The following CRYAB variants were observed in gnomAD, a reference collection of about 807,000 sequenced individuals.
The protein encoded by CRYAB is alpha-crystallin B chain.
Under a neutral mutation model 12.7 loss-of-function variants are expected in CRYAB, and 9 were observed. The observed-to-expected ratio is 0.71, with a 90% CI of 0.43 to 1.24. The LOEUF (loss-of-function observed/expected upper bound fraction) is 1.24, where lower values mean the gene tolerates loss of function less well. CRYAB is among the 50% of genes most tolerant of loss of function. The pLI is 0.00. For missense variants in CRYAB, 183 were observed against 226.6 expected, an observed-to-expected ratio of 0.81 and a Z score of 1.24; for synonymous variants, 93 against 86.8, an observed-to-expected ratio of 1.07 and a Z score of -0.40.
At chr11:111,910,663 T>G (rs1328093714) in intron 1 of CRYAB, 1 of 630,104 alleles carries the variant, frequency 1.6e-6, no homozygotes, top group East Asian at 2.8e-5. Context: ...GACCCAAACT[T>G]TATTTACAGG....
chr11:111,920,503 A>C (rs1965675028), intron 1 of CRYAB, among the ~76,000 whole-genome samples: 2 of 152,146 alleles, frequency 1.3e-5, no homozygotes, highest in South Asian at 4.1e-4. Flanking sequence ...GCGCCACTGC[A>C]GTCCAGACTG....
chr11:111,922,929 TA>T (rs1281337368), intron 1 of CRYAB, among the ~76,000 whole-genome samples: 5 of 152,206 alleles, frequency 3.3e-5, no homozygotes, highest in African/African-American at 1.2e-4. Flanking sequence ...TTAGTTTCCT[TA>T]AATCTAAAAA....
chr11:111,913,321 C>G, upstream of CRYAB: 1 of 767,266 alleles, frequency 1.3e-6, no homozygotes, highest in East Asian at 2.4e-5. Flanking sequence ...CCTCCCGTTC[C>G]CTACTCCTCC....
chr11:111,913,885 T>C (rs587764844), upstream of CRYAB: 3 of 1,606,886 alleles, frequency 1.9e-6, no homozygotes, highest in South Asian at 3.3e-5. Flanking sequence ...GCAGCCATAG[T>C]TGAGCCCTGA....
At position 111,911,559 on chromosome 11, in the gene CRYAB, G is replaced by T. The variant is rs387907338; in HGVS notation, c.166C>A (p.Arg56=). ...PFYLRPPSFL[R]APSWFDTGLS... is the part of the protein sequence containing the mutation. ...CCAGTGTCAAACCAGCTGGGTGCCC[G>T]CAGGAAGGAGGGTGGCCGAAGGTAG... is the stretch of plus-strand genomic sequence containing the variant. The change falls in exon 1 of 3, where the codon CGG becomes AGG. Residue 56 remains arginine, a synonymous_variant. Transcript: ENST00000650687. 1.2e-6 allele frequency: 2 copies of T among 1,612,714 alleles called. No individual in the cohort carries two copies. The highest frequency in any genetic ancestry group is 8.5e-7 in the Non-Finnish European group (1 of 1,179,588).
chr11:111,910,352 A>G lies in CRYAB; in HGVS notation c.299T>C (p.Val100Ala), dbSNP rs1965414470. 6.2e-7 allele frequency: 1 copy of G among 1,614,210 alleles called. No individual in the cohort carries two copies. The highest frequency in any genetic ancestry group is 8.5e-7 in the Non-Finnish European group (1 of 1,180,042). Reference sequence around the variant, plus strand: ...CTGGCGCTCTTCATGTTTTCCATGCACCTCAATCACATCTCCCAACACCTT... The same window carrying G: ...CTGGCGCTCTTCATGTTTTCCATGCGCCTCAATCACATCTCCCAACACCTT... ...KVKVLGDVIE[V>A]HGKHEERQDE... The change falls in exon 2 of 3, where the codon GTG (valine) becomes GCG (alanine). Residue 100 changes from valine to alanine, a missense_variant. Physicochemically the swap from Val to Ala is moderately conservative, Grantham distance 64. This residue lies in a region of CRYAB where 95 missense variants were observed against 112.5 expected (regional missense o/e 0.84). Transcript: ENST00000650687.
chr11:111,920,546 A>G (rs1965676785), intron 1 of CRYAB, among the ~76,000 whole-genome samples: 1 of 151,924 alleles, frequency 6.6e-6, no homozygotes, highest in African/African-American at 2.4e-5. Context: ...TTGAAAAAAA[A>G]AAAGAAAAGG....
intron 1 of CRYAB, chr11:111,918,655 C>G (rs782624241): frequency 2.8e-5 from 19 of 678,134 alleles, no homozygotes; most frequent in South Asian, 2.7e-4. Flanking sequence ...CGTAAGGAAA[C>G]CAAGAGCCCT....
At chr11:111,922,022 G>A (rs927883247) in intron 1 of CRYAB, among the ~76,000 whole-genome samples, 14 of 152,260 alleles carry the variant, frequency 9.2e-5, no homozygotes, top group South Asian at 6.2e-4. Flanking sequence ...TAGCAGAGAC[G>A]GGGTTTCACC....
upstream of CRYAB, chr11:111,913,537 C>A (rs587724960): frequency 2.5e-6 from 4 of 1,614,128 alleles, no homozygotes; most frequent in African/African-American, 5.3e-5. Context: ...AGGGCAGGGG[C>A]CTCCGAGCTT....
chr11:111,920,433 G>A (rs11214041), intron 1 of CRYAB, among the ~76,000 whole-genome samples: 1 of 152,164 alleles, frequency 6.6e-6, no homozygotes, highest in South Asian at 2.1e-4. Context: ...AGCTACTTGA[G>A]AAGCTAAGGC....
chr11:111,914,240 A>C (rs1592513704), upstream of CRYAB: 1 of 240,790 alleles, frequency 4.2e-6, no homozygotes, highest in Admixed American at 4.9e-5. Flanking sequence ...CTGAGATCAC[A>C]CCCGGAAGCT....
In CRYAB at chr11:111,919,210, C is replaced by G. The variant is rs1965647232; in HGVS notation, c.-199+4493G>C. The G allele has an allele frequency of 3.3e-5, 20 of 612,134 alleles. No homozygotes were observed. The South Asian group carries it at 3.3e-4, about 10-fold the overall frequency. 37.9% of individuals were successfully genotyped at this position (612,134 alleles called of 1,614,324 possible). On this transcript the variant is annotated intron_variant, in intron 1 of 3. Transcript: ENST00000527950. ...AGCCAAGTGGCTGGGCGCGGTGGCT[C>G]ACGCCTCTACTCCCAGCACTTTGGG...
chr11:111,909,074 A>G lies in CRYAB; in HGVS notation c.325-107T>C, dbSNP rs1359167266. The stretch of plus-strand genomic sequence containing the variant: ...TTCCCCTTAGGTGAGACCAAATGCC[A>G]TGACAACATAGGAAAAATAAATAGA... On this transcript the variant is annotated intron_variant, in intron 2 of 2. Transcript: ENST00000650687. The G allele has an allele frequency of 5.5e-6, 6 of 1,100,760 alleles. No individual in the cohort carries two copies. The African/African-American group carries it at 9.2e-5, about 17-fold the overall frequency. 68.2% of individuals were successfully genotyped at this position (1,100,760 alleles called of 1,614,324 possible).
At chr11:111,923,117 G>A (rs1965726569) in intron 1 of CRYAB, among the ~76,000 whole-genome samples, 3 of 152,196 alleles carry the variant, frequency 2.0e-5, no homozygotes, top group African/African-American at 7.2e-5. Flanking sequence ...AGTAGGTAAA[G>A]AGTAGTAACA....
chr11:111,912,681 T>TCCCCCCCC, upstream of CRYAB: 1 of 228,614 alleles, frequency 4.4e-6, no homozygotes, highest in Admixed American at 5.3e-5. Context: ...TCCCAGCCCC[T>TCCCCCCCC]CCCCCCCCAA....
chr11:111,911,558 C>T lies in CRYAB; in HGVS notation c.167G>A (p.Arg56Gln), dbSNP rs781986102. The change falls in exon 1 of 3, where the codon CGG becomes CAG. Residue 56 changes from arginine (R) to glutamine (Q), a missense_variant. Around this residue, in one of 3 missense-constraint regions of CRYAB, gnomAD observed 86 missense variants for 96.1 expected, o/e 0.89. Transcript: ENST00000650687. ...TCCAGTGTCAAACCAGCTGGGTGCCCGCAGGAAGGAGGGTGGCCGAAGGTA... is the reference window on the plus strand; with the variant it reads ...TCCAGTGTCAAACCAGCTGGGTGCCTGCAGGAAGGAGGGTGGCCGAAGGTA... The part of the protein sequence containing the change: ...PFYLRPPSFL[R>Q]APSWFDTGLS... The T allele has an allele frequency of 2.5e-6, 4 of 1,612,576 alleles. No homozygotes were observed. Among genetic ancestry groups the T allele is most frequent in the Admixed American group, 1.7e-5 (1 of 59,774 alleles).
chr11:111,914,348 A>T (rs1965564480), upstream of CRYAB, among the ~76,000 whole-genome samples: 3 of 152,256 alleles, frequency 2.0e-5, no homozygotes. Flanking sequence ...CCATCCAAAC[A>T]GCCCAGAGGG....
At chr11:111,918,351 T>G (rs782571531) in intron 1 of CRYAB, among the ~76,000 whole-genome samples, 1 of 152,208 alleles carries the variant, frequency 6.6e-6, no homozygotes. Flanking sequence ...TTCAGTTTTT[T>G]TCATTTCACA....
Sources: gnomAD v4.1 joint callset for allele counts (sites outside exome capture counted in the v4.1 genomes callset) on GRCh38, gnomAD v4.1.1 for gene constraint, gnomAD v4.1.1 regional missense constraint, MANE v1.5 for transcripts, NCBI Gene and HGNC (gene_info 2026-07-23, HGNC 2026-07-21) for gene names.